MTUS1: variants seen among roughly 807,000 people sequenced by gnomAD.
The protein encoded by MTUS1 is microtubule associated scaffold protein 1, also known as microtubule-associated tumor suppressor 1.
In MTUS1, 109 loss-of-function variants were observed where a neutral mutation model predicts 120.8. That is an observed-to-expected ratio of 0.90 (90% confidence interval 0.77 to 1.06). The LOEUF (loss-of-function observed/expected upper bound fraction) is 1.06, where lower values mean the gene tolerates loss of function less well. Ranked by LOEUF, MTUS1 falls within the 50% of genes least tolerant of loss-of-function variation. The pLI is 0.00. For synonymous variants in MTUS1, 737 were observed against 550.5 expected, an observed-to-expected ratio of 1.34 and a Z score of -4.74; for missense variants, 2,210 against 1,486.3, an observed-to-expected ratio of 1.49 and a Z score of -8.01.
At chr8:17,652,430 C>A (rs2130154020) in intron 12 of MTUS1, among the ~76,000 whole-genome samples, 1 of 152,236 alleles carries the variant, frequency 6.6e-6, no homozygotes. Flanking sequence ...TCTATTCATT[C>A]CTCAGAATAA....
intron 6 of MTUS1, chr8:17,693,239 G>C (rs924186404): frequency 6.6e-6 from 1 of 152,176 alleles, no homozygotes; most frequent in Non-Finnish European, 1.5e-5. Flanking sequence ...TTGGTAAAAA[G>C]ACTATTGCTG....
chr8:17,790,399 ATAAGACCACAGACTGCT>A (rs2051677844), intron 1 of MTUS1, among the ~76,000 whole-genome samples: 1 of 152,126 alleles, frequency 6.6e-6, no homozygotes, highest in African/African-American at 2.4e-5. Context: ...TATCCAGCAT[ATAAGACCACAGACTGCT>A]AATCTATGAA....
intron 6 of MTUS1, chr8:17,693,486 C>T (rs1386289400): frequency 1.3e-5 from 2 of 152,236 alleles, no homozygotes; most frequent in African/African-American, 4.8e-5. Flanking sequence ...AAAGCTTATT[C>T]TGGCCGGATC....
At chr8:17,748,928 C>A (rs761404405) in intron 2 of MTUS1, among the ~76,000 whole-genome samples, 1 of 152,134 alleles carries the variant, frequency 6.6e-6, no homozygotes, top group African/African-American at 2.4e-5. Flanking sequence ...GGAGTCTGAG[C>A]CTTACTCACA....
chr8:17,648,350 G>T (rs183249845), intron 13 of MTUS1, among the ~76,000 whole-genome samples: 1 of 152,312 alleles, frequency 6.6e-6, no homozygotes, highest in East Asian at 1.9e-4. Flanking sequence ...GGCATGGCAA[G>T]AAACAAATAG....
intron 7 of MTUS1, among the ~76,000 whole-genome samples, chr8:17,683,346 CTT>C (rs1815028458): frequency 1.3e-5 from 2 of 152,038 alleles, no homozygotes; most frequent in Admixed American, 1.3e-4. Context: ...GTCTCATCCA[CTT>C]CTCTCTCTCC....
At chr8:17,646,440 T>G (rs1805805536) in intron 14 of MTUS1, among the ~76,000 whole-genome samples, 1 of 151,806 alleles carries the variant, frequency 6.6e-6, no homozygotes, top group Non-Finnish European at 1.5e-5. Context: ...ATACAAAAAT[T>G]AGTCACGCAT....
intron 7 of MTUS1, among the ~76,000 whole-genome samples, chr8:17,682,517 C>CAAAAAAAA (rs55901871): frequency 8.7e-6 from 1 of 114,970 alleles, no homozygotes; most frequent in Non-Finnish European, 1.7e-5. Flanking sequence ...GACTCCATCC[C>CAAAAAAAA]AAAAAAAAAA....
chr8:17,685,129 T>C (rs1048318605), intron 6 of MTUS1, among the ~76,000 whole-genome samples: 3 of 152,108 alleles, frequency 2.0e-5, no homozygotes, highest in African/African-American at 4.8e-5. Flanking sequence ...CTGTTAGGAG[T>C]ACTATACTGT....
chr8:17,675,040 G>T, intron 8 of MTUS1, 146 bp downstream of exon 8: 1 of 1,447,048 alleles, frequency 6.9e-7, no homozygotes, highest in South Asian at 1.6e-5. Flanking sequence ...AAGAAATGTC[G>T]ATAGTAAGTG....
chr8:17,684,302 G>A (rs368532958), intron 7 of MTUS1, 26 bp downstream of exon 7: 2 of 1,572,362 alleles, frequency 1.3e-6, no homozygotes, highest in African/African-American at 1.3e-5. Flanking sequence ...AAGTAGAAAG[G>A]CTCTTTCTAG....
chr8:17,669,890 C>T (rs55796953), intron 8 of MTUS1, among the ~76,000 whole-genome samples: 6,339 of 152,244 alleles, frequency 0.042, 440 homozygotes, highest in African/African-American at 0.14. Context: ...ACATGTCAGC[C>T]TGACTCTAAG....
At chr8:17,792,037 A>T (rs1261280469) in intron 1 of MTUS1, among the ~76,000 whole-genome samples, 1 of 152,182 alleles carries the variant, frequency 6.6e-6, no homozygotes, top group Non-Finnish European at 1.5e-5. Context: ...AAAATCTCAG[A>T]CATGAACCCA....
Position 17,754,609 on chromosome 8 carries a change from G to A in MTUS1, c.1199C>T (p.Pro400Leu), listed in dbSNP as rs370158336. ...TGACGAGCCCACCTTTTGTCCTGGC[G>A]GGCTACTTAGAATCAATTCTGAGGT... is the stretch of plus-strand genomic sequence containing the variant. ...NHTSELILSS[P>L]PGQKVGSSFG... is the part of the protein sequence containing the mutation. The change falls in exon 2 of 15, where the codon CCG (proline) becomes CTG (leucine). Residue 400 changes from proline (P) to leucine (L), a missense_variant. By Grantham distance (98) the Pro-to-Leu change is moderately conservative (BLOSUM62 -3). Transcript: ENST00000693296. 5.8e-5 allele frequency: 94 copies of A among 1,613,946 alleles called. No homozygotes were observed. Among genetic ancestry groups the A allele is most frequent in the African/African-American group, 9.3e-5 (7 of 74,878 alleles).
In MTUS1 at chr8:17,688,633, C is replaced by G. The variant is rs115736249; in HGVS notation, c.2624-4091G>C. Among the ~76,000 whole-genome samples, 245 of 152,318 alleles carry G rather than the reference C, an allele frequency of 1.6e-3. 2 individuals carry two copies. Among genetic ancestry groups the G allele is most frequent in the African/African-American group, 3.7e-3 (155 of 41,564 alleles). On this transcript the variant is annotated intron_variant, in intron 6 of 14. Coordinates refer to ENST00000693296, the MANE Select transcript of MTUS1 (RefSeq NM_001363059.2). ...TCACAGGGACACTGACACAGAAGTT[C>G]TTTCAGTCAGTTTCCCCAGCATCTG... is the stretch of plus-strand genomic sequence containing the variant.
At chr8:17,770,384 G>C (rs1392179514) in intron 1 of MTUS1, 2 of 152,118 alleles carry the variant, frequency 1.3e-5, no homozygotes, top group African/African-American at 4.8e-5. Flanking sequence ...AACTTGAGTG[G>C]TTTTAATTTA....
chr8:17,665,690 C>G (rs1563163219), intron 8 of MTUS1, among the ~76,000 whole-genome samples: 1 of 152,162 alleles, frequency 6.6e-6, no homozygotes, highest in African/African-American at 2.4e-5. Context: ...GAGAGCCTAA[C>G]CACAGAACAC....
chr8:17,646,226 T>G, intron 14 of MTUS1, 87 bp from the exon 15 acceptor site: 1 of 1,323,406 alleles, frequency 7.6e-7, no homozygotes, highest in Non-Finnish European at 1.0e-6. Context: ...AACTTTAAAG[T>G]CCAAAATTAT....
In MTUS1 at chr8:17,767,401, G is replaced by C. The variant is rs209562; in HGVS notation, c.-154-11440C>G. Among the ~76,000 whole-genome samples, 6 of 151,544 alleles carry C rather than the reference G, an allele frequency of 4.0e-5. No individual in the cohort carries two copies. In the East Asian group the frequency reaches 9.7e-4, roughly 24 times the overall value. On this transcript the variant is annotated intron_variant, in intron 1 of 14. Coordinates refer to ENST00000693296, the MANE Select transcript of MTUS1 (RefSeq NM_001363059.2). ...TTAGCAGTTTAAAAAAAAAGAGTGA[G>C]AGGAGGTAAAAGGGGCTGGGTACAG...
Sources: allele counts gnomAD v4.1 joint callset (sites outside exome capture counted in the v4.1 genomes callset), GRCh38; gene constraint gnomAD v4.1.1; transcripts MANE v1.5; gene names NCBI Gene and HGNC (gene_info 2026-07-23, HGNC 2026-07-21).